Variants in GFRA1 observed in about 807,000 individuals in gnomAD.
GFRA1 encodes the protein GDNF family receptor alpha 1.
GFRA1 carries 16 observed loss-of-function variants against 51.6 expected under a neutral mutation model. That is an observed-to-expected ratio of 0.31 (90% CI 0.21 to 0.47). The LOEUF is 0.47. Among genes scored for constraint, GFRA1 ranks in the 20% least tolerant of loss-of-function variants. The probability of loss-of-function intolerance (pLI) is 1.00; values close to 1 mark genes in which losing one functional copy is unlikely to be tolerated. For missense variants in GFRA1, 530 were observed against 594.3 expected (o/e 0.89, Z 1.13); for synonymous variants, 270 against 241.3 (o/e 1.12, Z -1.10).
chr10:116,113,531 TAAG>T (rs1035972750), intron 6 of GFRA1, among the ~76,000 whole-genome samples: 61 of 152,318 alleles, frequency 4.0e-4, no homozygotes, highest in African/African-American at 1.4e-3. Flanking sequence ...TTAACATAAA[TAAG>T]AAGTAAAGTC....
intron 8 of GFRA1, 118 bp downstream of exon 8, chr10:116,093,584 G>C (rs1297991001): frequency 1.2e-6 from 1 of 868,046 alleles, no homozygotes; most frequent in Non-Finnish European, 1.9e-6. Flanking sequence ...CAGGCACAAG[G>C]TACAAGAGGT....
intron 4 of GFRA1, among the ~76,000 whole-genome samples, chr10:116,242,007 G>A (rs6585384): frequency 1 from 151,952 of 152,350 alleles, 75,779 homozygotes; most frequent in Non-Finnish European, 1. Flanking sequence ...GTTTACACAT[G>A]CAAAATGAAG....
At chr10:116,081,793 G>A (rs963106487) in intron 9 of GFRA1, among the ~76,000 whole-genome samples, 64 of 152,260 alleles carry the variant, frequency 4.2e-4, no homozygotes, top group African/African-American at 1.4e-3. Flanking sequence ...GGTGGTATAC[G>A]ACATCATTTT....
At chr10:116,257,139 G>A (rs537603265) in intron 4 of GFRA1, among the ~76,000 whole-genome samples, 109 of 152,282 alleles carry the variant, frequency 7.2e-4, no homozygotes, top group African/African-American at 2.5e-3. Context: ...CATCCACAGG[G>A]TCCCAATGAA....
intron 6 of GFRA1, among the ~76,000 whole-genome samples, chr10:116,124,484 G>A (rs1207760821): frequency 1.3e-5 from 2 of 152,106 alleles, no homozygotes; most frequent in Non-Finnish European, 2.9e-5. Context: ...ACCCGCCTCA[G>A]CCTCCCAAAA....
At chr10:116,240,520 A>G (rs1317507687) in intron 4 of GFRA1, among the ~76,000 whole-genome samples, 4 of 152,250 alleles carry the variant, frequency 2.6e-5, no homozygotes, top group Non-Finnish European at 1.5e-5. Flanking sequence ...TTCTCAAAAA[A>G]CAAAGCATCT....
intron 5 of GFRA1, among the ~76,000 whole-genome samples, chr10:116,163,902 G>C (rs1160711848): frequency 4.6e-5 from 7 of 152,206 alleles, no homozygotes; most frequent in Non-Finnish European, 1.0e-4. Context: ...GCACCACGGA[G>C]ATGTTAGACA....
intron 6 of GFRA1, among the ~76,000 whole-genome samples, chr10:116,116,547 G>C (rs1957419704): frequency 6.6e-6 from 1 of 152,230 alleles, no homozygotes; most frequent in African/African-American, 2.4e-5. Flanking sequence ...TGCCTGGGAG[G>C]GGGTGCACCA....
At chr10:116,089,717 A>C in intron 9 of GFRA1, 24 bp downstream of exon 9, 3 of 1,606,458 alleles carry the variant, frequency 1.9e-6, no homozygotes, top group Non-Finnish European at 1.7e-6. Context: ...GAGCCCCAGC[A>C]AGGAATCTGG....
At position 116,259,444 on chromosome 10, in the gene GFRA1, C is replaced by T. The variant is rs77919785; in HGVS notation, c.418+10059G>A. Among the ~76,000 whole-genome samples, 1,427 of 151,672 alleles carry T rather than the reference C, an allele frequency of 9.4e-3. 16 individuals carry two copies. Among genetic ancestry groups the T allele is most frequent in the African/African-American group, 0.032 (1,329 of 41,338 alleles). On this transcript the variant is annotated intron_variant, in intron 4 of 10. Coordinates refer to ENST00000355422, the MANE Select transcript of GFRA1 (RefSeq NM_005264.8). Reference sequence around the variant, plus strand: ...TCTCACACTGAAATGAAAAAAGATACAATCCAGAAATTGCTTCTTTGGTTA... The same window carrying T: ...TCTCACACTGAAATGAAAAAAGATATAATCCAGAAATTGCTTCTTTGGTTA...
At position 116,062,369 on chromosome 10, in the gene GFRA1, A is replaced by G; in HGVS notation, c.*2029T>C. On this transcript the variant is annotated 3_prime_UTR_variant, in exon 11 of 11. Coordinates refer to ENST00000355422, the MANE Select transcript of GFRA1 (RefSeq NM_005264.8). The stretch of plus-strand genomic sequence containing the variant: ...TTATTCAAAGTAAGAGTCTTTATAG[A>G]TCTTTTCACTAATTAAATACAGTTG... The G allele has an allele frequency of 2.7e-6, 1 of 370,078 alleles. No homozygotes were observed. 22.9% of individuals were successfully genotyped at this position (370,078 alleles called of 1,614,324 possible).
chr10:116,235,593 A>G (rs541694548), intron 4 of GFRA1, among the ~76,000 whole-genome samples: 7 of 152,236 alleles, frequency 4.6e-5, no homozygotes, highest in Admixed American at 3.9e-4. Context: ...ATTCAGCTCC[A>G]GCAAATGCCC....
intron 4 of GFRA1, among the ~76,000 whole-genome samples, chr10:116,231,840 C>T (rs1966697305): frequency 6.6e-6 from 1 of 152,192 alleles, no homozygotes; most frequent in African/African-American, 2.4e-5. Flanking sequence ...GACCCGGGCA[C>T]ACAAGCTTAT....
At chr10:116,247,683 T>C (rs1438138229) in intron 4 of GFRA1, among the ~76,000 whole-genome samples, 1 of 152,194 alleles carries the variant, frequency 6.6e-6, no homozygotes, top group East Asian at 1.9e-4. Context: ...GAACTTCATT[T>C]CACTGTGTCA....
intron 4 of GFRA1, among the ~76,000 whole-genome samples, chr10:116,225,135 T>C (rs1053775222): frequency 1.3e-5 from 2 of 152,170 alleles, no homozygotes; most frequent in African/African-American, 2.4e-5. Context: ...TGAGTGGGAA[T>C]TGTAATATGA....
At chr10:116,246,361 G>A (rs1171478469) in intron 4 of GFRA1, among the ~76,000 whole-genome samples, 1 of 152,146 alleles carries the variant, frequency 6.6e-6, no homozygotes, top group Non-Finnish European at 1.5e-5. Context: ...AACCCGGGAG[G>A]CAGAGGTTGC....
intron 5 of GFRA1, among the ~76,000 whole-genome samples, chr10:116,154,411 A>T (rs1162317663): frequency 1.3e-5 from 2 of 152,234 alleles, no homozygotes; most frequent in Non-Finnish European, 2.9e-5. Context: ...TATATGCAAC[A>T]TCATGACTGA....
intron 4 of GFRA1, among the ~76,000 whole-genome samples, chr10:116,216,548 C>T (rs147759051): frequency 1.3e-5 from 2 of 152,310 alleles, no homozygotes; most frequent in East Asian, 1.9e-4. Context: ...TGAAACTGTG[C>T]GTGACTTCCA....
chr10:116,199,865 C>T (rs1013747974), intron 5 of GFRA1, among the ~76,000 whole-genome samples: 3 of 152,180 alleles, frequency 2.0e-5, no homozygotes, highest in Admixed American at 1.3e-4. Flanking sequence ...TTCCCTCTTG[C>T]CTTTCAAGTC....
Sources: allele counts gnomAD v4.1 joint callset (sites outside exome capture counted in the v4.1 genomes callset), GRCh38; gene constraint gnomAD v4.1.1; transcripts MANE v1.5; gene names NCBI Gene and HGNC (gene_info 2026-07-23, HGNC 2026-07-21).